The following PRKG2 variants were observed in gnomAD, a reference collection of about 807,000 sequenced individuals.
PRKG2 encodes cGMP-dependent protein kinase 2.
A neutral mutation model predicts 97.2 loss-of-function variants in PRKG2; 33 were observed. The ratio of observed to expected loss-of-function variants is 0.34; its 90% CI spans 0.26 to 0.45. PRKG2 has a LOEUF of 0.45. Among genes scored for constraint, PRKG2 ranks in the 20% least tolerant of loss-of-function variants. The pLI is 1.00. For missense variants in PRKG2, 638 were observed against 900.0 expected, an observed-to-expected ratio of 0.71 and a Z score of 3.73; for synonymous variants, 330 against 321.8, an observed-to-expected ratio of 1.03 and a Z score of -0.27.
At chr4:81,152,841 G>T (rs1748550944) in intron 7 of PRKG2, among the ~76,000 whole-genome samples, 1 of 152,158 alleles carries the variant, frequency 6.6e-6, no homozygotes. Context: ...GAGTTTCAGA[G>T]GTTTGAAACT....
chr4:81,140,142 C>T (rs577286857), intron 12 of PRKG2, among the ~76,000 whole-genome samples: 11 of 152,108 alleles, frequency 7.2e-5, no homozygotes, highest in Admixed American at 2.0e-4. Flanking sequence ...GAGTGGTTAC[C>T]AGAGCCTGGG....
chr4:81,110,725 A>C, intron 14 of PRKG2, 114 bp from the exon 15 acceptor site: 2 of 871,790 alleles, frequency 2.3e-6, no homozygotes, highest in Non-Finnish European at 3.6e-6. Flanking sequence ...TTTTTATACC[A>C]TGCACACACA....
chr4:81,172,043 GATA>G (rs1334465876), intron 3 of PRKG2, among the ~76,000 whole-genome samples: 5 of 151,668 alleles, frequency 3.3e-5, no homozygotes, highest in East Asian at 1.9e-4. Flanking sequence ...CAACGATGAG[GATA>G]ATAATAATTA....
chr4:81,184,804 G>A (rs971907494), intron 2 of PRKG2, among the ~76,000 whole-genome samples: 2 of 152,144 alleles, frequency 1.3e-5, no homozygotes, highest in African/African-American at 2.4e-5. Flanking sequence ...TAAATGACCT[G>A]ATGAAGCTTA....
At chr4:81,156,116 T>A (rs543051761) in intron 6 of PRKG2, among the ~76,000 whole-genome samples, 8 of 152,262 alleles carry the variant, frequency 5.3e-5, no homozygotes, top group African/African-American at 1.9e-4. Flanking sequence ...AATGCTCCAA[T>A]TAAAAGACAC....
At chr4:81,193,101 G>T (rs552022239) in intron 2 of PRKG2, 5 of 152,314 alleles carry the variant, frequency 3.3e-5, no homozygotes, top group African/African-American at 1.2e-4. Flanking sequence ...ATAAGGCTCA[G>T]TGCAAAGCTG....
chr4:81,128,147 A>G (rs1278441333), intron 14 of PRKG2, among the ~76,000 whole-genome samples: 1 of 152,160 alleles, frequency 6.6e-6, no homozygotes, highest in Non-Finnish European at 1.5e-5. Context: ...TTATTTGCAT[A>G]TGTTGAGCCA....
chr4:81,104,508 A>G (rs993343596), intron 16 of PRKG2, 76 bp from the exon 17 acceptor site: 1 of 668,492 alleles, frequency 1.5e-6, no homozygotes, highest in Non-Finnish European at 2.1e-6. Flanking sequence ...ATTTTAAATT[A>G]AAACTTAACA....
At chr4:81,203,898 G>A (rs1015463661) in intron 2 of PRKG2, among the ~76,000 whole-genome samples, 14 of 152,100 alleles carry the variant, frequency 9.2e-5, no homozygotes, top group African/African-American at 3.4e-4. Flanking sequence ...TCCTCAGCCA[G>A]GCCTTCATGA....
In PRKG2 at chr4:81,204,877, C is replaced by CTGCTCCCGCAGCTCCTTCAAATGG. The variant is rs1383146344; in HGVS notation, c.147_170dup (p.Glu56_Gln57insHisHisLeuLysGluLeuArgGlu). The CTGCTCCCGCAGCTCCTTCAAATGG allele has an allele frequency of 6.2e-7, 1 of 1,614,232 alleles. No individual in the cohort carries two copies. The highest frequency in any genetic ancestry group is 1.1e-5 in the South Asian group (1 of 91,088). On this transcript the variant is annotated inframe_insertion, in exon 2 of 19. Transcript: ENST00000264399. The stretch of plus-strand genomic sequence containing the variant: ...CAATGGCCACAGTCTGCTTCGACAG[C>CTGCTCCCGCAGCTCCTTCAAATGG]TGCTCCCGCAGCTCCTTCAAATGGT...
chr4:81,092,080 T>C (rs904898457), intron 18 of PRKG2, among the ~76,000 whole-genome samples: 1 of 152,172 alleles, frequency 6.6e-6, no homozygotes, highest in Non-Finnish European at 1.5e-5. Flanking sequence ...TTAAGTTACA[T>C]ACATTGTTCA....
At chr4:81,098,279 C>T (rs533829854) in intron 17 of PRKG2, among the ~76,000 whole-genome samples, 1 of 151,778 alleles carries the variant, frequency 6.6e-6, no homozygotes, top group Non-Finnish European at 1.5e-5. Context: ...GCTCTCCTTG[C>T]TCCTCAGCCT....
chr4:81,209,848 G>A (rs981756787), intron 1 of PRKG2, among the ~76,000 whole-genome samples: 2 of 152,066 alleles, frequency 1.3e-5, no homozygotes, highest in African/African-American at 2.4e-5. Flanking sequence ...TCAATATAGT[G>A]TTGTATTGGT....
At chr4:81,195,774 C>T (rs541140000) in intron 2 of PRKG2, among the ~76,000 whole-genome samples, 9 of 152,258 alleles carry the variant, frequency 5.9e-5, no homozygotes, top group East Asian at 1.9e-4. Flanking sequence ...CATCTGTTGA[C>T]GGACACGGGG....
intron 2 of PRKG2, among the ~76,000 whole-genome samples, chr4:81,189,726 C>T (rs908236332): frequency 2.7e-5 from 4 of 150,522 alleles, no homozygotes; most frequent in Admixed American, 1.3e-4. Context: ...CTAACCTGCA[C>T]GTTGTGCACA....
intron 15 of PRKG2, among the ~76,000 whole-genome samples, chr4:81,106,702 A>G (rs557838671): frequency 1.9e-4 from 29 of 152,176 alleles, no homozygotes; most frequent in African/African-American, 2.4e-5. Flanking sequence ...TGTTCCACCA[A>G]ATTCATTTGT....
chr4:81,204,498 CT>C, intron 2 of PRKG2, 88 bp downstream of exon 2: 3 of 1,366,940 alleles, frequency 2.2e-6, no homozygotes, highest in Non-Finnish European at 3.0e-6. Flanking sequence ...TCAATATGTT[CT>C]TTATCATTAA....
rs752612694 is a variant in PRKG2 at position 81,092,385 on chromosome 4, C to A, written c.2193+1G>T. ...AAAAAGTAATATAATAAATACAATA[C>A]CTCTCTTTGCAAAGGTGATGGAAGG... On this transcript the variant is annotated splice_donor_variant, in intron 18 of 18. Transcript: ENST00000264399. LOFTEE classifies it high-confidence loss of function. 2 of 1,558,166 alleles carry A rather than the reference C, an allele frequency of 1.3e-6. No homozygotes were observed. Among genetic ancestry groups the A allele is most frequent in the East Asian group, 2.3e-5 (1 of 44,214 alleles).
At chr4:81,205,896 T>C (rs921669635) in intron 1 of PRKG2, among the ~76,000 whole-genome samples, 1 of 152,220 alleles carries the variant, frequency 6.6e-6, no homozygotes, top group Non-Finnish European at 1.5e-5. Flanking sequence ...GGATGTGGTA[T>C]GCAGATCAGG....
Sources: gnomAD v4.1 joint callset for allele counts (sites outside exome capture counted in the v4.1 genomes callset) on GRCh38, gnomAD v4.1.1 for gene constraint, MANE v1.5 for transcripts, NCBI Gene and HGNC (gene_info 2026-07-23, HGNC 2026-07-21) for gene names.